Variants in NMNAT1 observed in about 807,000 individuals in gnomAD.
The protein encoded by NMNAT1 is nicotinamide/nicotinic acid mononucleotide adenylyltransferase 1.
NMNAT1 carries 11 observed loss-of-function variants against 16.7 expected under a neutral mutation model. The observed-to-expected ratio is 0.66, with a 90% CI of 0.41 to 1.09. NMNAT1 has a LOEUF of 1.09. Among genes scored for constraint, NMNAT1 ranks in the 50% least tolerant of loss-of-function variants. The pLI is 0.00. For missense variants in NMNAT1, 280 were observed against 332.3 expected, an observed-to-expected ratio of 0.84 and a Z score of 1.22; for synonymous variants, 110 against 119.8, an observed-to-expected ratio of 0.92 and a Z score of 0.53.
intron 1 of NMNAT1, among the ~76,000 whole-genome samples, chr1:9,949,320 C>A (rs185495190): frequency 8.7e-5 from 13 of 149,532 alleles, no homozygotes; most frequent in African/African-American, 2.9e-4. Flanking sequence ...GCTATTTTCT[C>A]TAGAAAACAA....
At chr1:9,980,314 T>G (rs1641912809) in intron 3 of NMNAT1, among the ~76,000 whole-genome samples, 2 of 151,910 alleles carry the variant, frequency 1.3e-5, no homozygotes, top group African/African-American at 2.4e-5. Flanking sequence ...ATGTAAAGGA[T>G]TCAGTGTAAT....
chr1:9,955,026 T>A (rs1641220005), intron 1 of NMNAT1, among the ~76,000 whole-genome samples: 1 of 152,152 alleles, frequency 6.6e-6, no homozygotes, highest in Non-Finnish European at 1.5e-5. Context: ...GGCTCACGCC[T>A]GTAATCCCAG....
At chr1:9,980,915 C>T in intron 3 of NMNAT1, 116 bp from the exon 4 acceptor site, 1 of 1,173,880 alleles carries the variant, frequency 8.5e-7, no homozygotes. Context: ...CTCGGCCTCC[C>T]AAAGTGCTGG....
At chr1:9,967,190 C>T (rs1641564656) in intron 1 of NMNAT1, among the ~76,000 whole-genome samples, 1 of 152,076 alleles carries the variant, frequency 6.6e-6, no homozygotes, top group African/African-American at 2.4e-5. Flanking sequence ...TTCCACTGCA[C>T]TCCAGCCTGG....
chr1:9,982,413 A>G lies in NMNAT1; in HGVS notation c.552A>G (p.Ile184Met). 5.0e-6 allele frequency: 8 copies of G among 1,614,136 alleles called. No homozygotes were observed. Among genetic ancestry groups the G allele is most frequent in the Non-Finnish European group, 6.8e-6 (8 of 1,180,036 alleles). The change falls in exon 5 of 5, where the codon ATA becomes ATG. Residue 184 changes from isoleucine to methionine, a missense_variant. Transcript: ENST00000377205. ...AAATCGTGGCCAACTATGGGCTCATATGTGTTACTCGGGCTGGAAATGATG... is the reference window on the plus strand; with the variant it reads ...AAATCGTGGCCAACTATGGGCTCATGTGTGTTACTCGGGCTGGAAATGATG... The part of the protein sequence containing the change: ...ITQIVANYGL[I>M]CVTRAGNDAQ...
chr1:9,981,514 C>A (rs1394403108), intron 4 of NMNAT1: 2 of 192,662 alleles, frequency 1.0e-5, no homozygotes, highest in Non-Finnish European at 1.1e-5. Context: ...GGATTACAGG[C>A]GTGAGCCACA....
chr1:9,968,228 C>T (rs1002026227), intron 1 of NMNAT1, among the ~76,000 whole-genome samples: 2 of 151,314 alleles, frequency 1.3e-5, no homozygotes, highest in Admixed American at 6.6e-5. Context: ...CCCGCCACCA[C>T]GCCTGGCTAA....
the NMNAT1 span, among the ~76,000 whole-genome samples, chr1:9,992,894 A>AT: frequency 6.6e-6 from 1 of 152,136 alleles, no homozygotes; most frequent in Non-Finnish European, 1.5e-5. Flanking sequence ...CCTGGGCAAC[A>AT]AAGCGAGACT....
intron 1 of NMNAT1, among the ~76,000 whole-genome samples, chr1:9,971,062 T>C (rs1330034903): frequency 6.6e-6 from 1 of 152,138 alleles, no homozygotes; most frequent in Admixed American, 6.6e-5. Flanking sequence ...GCAGATGGAC[T>C]GTAGTTGGCT....
intron 1 of NMNAT1, among the ~76,000 whole-genome samples, chr1:9,968,299 C>T (rs1641605393): frequency 1.3e-5 from 2 of 151,350 alleles, no homozygotes; most frequent in South Asian, 2.1e-4. Context: ...GTCTCGATCT[C>T]CTGACCTCGT....
At chr1:9,974,127 C>T (rs559553618) in intron 2 of NMNAT1, among the ~76,000 whole-genome samples, 1 of 152,220 alleles carries the variant, frequency 6.6e-6, no homozygotes, top group South Asian at 2.1e-4. Context: ...CATGAGCCAC[C>T]ATAACATAGC....
intron 1 of NMNAT1, among the ~76,000 whole-genome samples, chr1:9,950,171 A>C (rs1480880316): frequency 1.3e-5 from 2 of 151,756 alleles, no homozygotes; most frequent in Non-Finnish European, 2.9e-5. Flanking sequence ...GCTCACTACA[A>C]CCTCTGCCTC....
chr1:9,975,805 T>A, intron 3 of NMNAT1, 30 bp downstream of exon 3: 1 of 1,546,948 alleles, frequency 6.5e-7, no homozygotes, highest in South Asian at 1.2e-5. Context: ...CTTTGTCAGT[T>A]CTGTGTAAAT....
chr1:9,963,309 G>T (rs1641468169), intron 1 of NMNAT1, among the ~76,000 whole-genome samples: 1 of 152,084 alleles, frequency 6.6e-6, no homozygotes, highest in Non-Finnish European at 1.5e-5. Flanking sequence ...GGCTACAAAT[G>T]AACAGTCTTG....
chr1:9,961,821 G>C (rs1292130608), intron 1 of NMNAT1, among the ~76,000 whole-genome samples: 1 of 151,986 alleles, frequency 6.6e-6, no homozygotes, highest in Non-Finnish European at 1.5e-5. Flanking sequence ...GCCCAGGTTG[G>C]AGTGCAATGG....
At chr1:9,974,570 A>G (rs1641764420) in intron 2 of NMNAT1, among the ~76,000 whole-genome samples, 1 of 151,910 alleles carries the variant, frequency 6.6e-6, no homozygotes, top group Non-Finnish European at 1.5e-5. Flanking sequence ...TTGTATTTTT[A>G]GTAGAGACAG....
chr1:9,988,205 C>G (rs967111231), downstream of NMNAT1, among the ~76,000 whole-genome samples: 1 of 152,064 alleles, frequency 6.6e-6, no homozygotes, highest in Non-Finnish European at 1.5e-5. Context: ...TCCATGTTGG[C>G]CCGGCTGATC....
intron 1 of NMNAT1, among the ~76,000 whole-genome samples, chr1:9,954,411 A>G (rs1388119457): frequency 6.6e-6 from 1 of 151,476 alleles, no homozygotes; most frequent in Non-Finnish European, 1.5e-5. Context: ...ATGTCTCACC[A>G]TGTTGCCCAG....
chr1:9,981,192 C>G, intron 4 of NMNAT1, 22 bp downstream of exon 4: 1 of 1,599,580 alleles, frequency 6.3e-7, no homozygotes, highest in Non-Finnish European at 8.5e-7. Flanking sequence ...TTAGCAGGAC[C>G]CACGGACTAG....
Sources: allele counts gnomAD v4.1 joint callset (sites outside exome capture counted in the v4.1 genomes callset), GRCh38; gene constraint gnomAD v4.1.1; transcripts MANE v1.5; gene names NCBI Gene and HGNC (gene_info 2026-07-23, HGNC 2026-07-21).